Variants in QTMAN observed in about 807,000 individuals in gnomAD.
QTMAN encodes the protein tRNA-queuosine alpha-mannosyltransferase.
the QTMAN span, among the ~76,000 whole-genome samples, chr2:144,230,005 T>C: frequency 6.6e-6 from 1 of 152,042 alleles, no homozygotes; most frequent in Non-Finnish European, 1.5e-5. Flanking sequence ...TCTATGAAAA[T>C]CCATGTGATA....
At chr2:143,958,974 C>T in the QTMAN span, among the ~76,000 whole-genome samples, 2 of 151,856 alleles carry the variant, frequency 1.3e-5, no homozygotes, top group Non-Finnish European at 2.9e-5. Context: ...ATGAGAATAA[C>T]AAAGCCAAGG....
At chr2:144,230,974 T>C in the QTMAN span, among the ~76,000 whole-genome samples, 1 of 152,162 alleles carries the variant, frequency 6.6e-6, no homozygotes, top group Admixed American at 6.5e-5. Context: ...GGAACTCATA[T>C]GGTACTATAG....
At chr2:143,973,093 G>A in the QTMAN span, among the ~76,000 whole-genome samples, 2 of 152,174 alleles carry the variant, frequency 1.3e-5, no homozygotes, top group African/African-American at 4.8e-5. Flanking sequence ...TAACAGTTAA[G>A]TGGTTACTGG....
At chr2:144,059,874 C>A in the QTMAN span, among the ~76,000 whole-genome samples, 1 of 152,154 alleles carries the variant, frequency 6.6e-6, no homozygotes, top group Non-Finnish European at 1.5e-5. Context: ...CTCTCAGGGA[C>A]GCCTTCCCAG....
the QTMAN span, among the ~76,000 whole-genome samples, chr2:144,320,243 G>A: frequency 1.3e-5 from 2 of 152,162 alleles, no homozygotes; most frequent in Admixed American, 6.5e-5. Flanking sequence ...AGGTGCAACA[G>A]AGTCCATAGG....
At chr2:144,095,891 T>C in the QTMAN span, among the ~76,000 whole-genome samples, 1 of 152,178 alleles carries the variant, frequency 6.6e-6, no homozygotes, top group Non-Finnish European at 1.5e-5. Context: ...TCCAACCAAA[T>C]AACTTGTGTT....
the QTMAN span, among the ~76,000 whole-genome samples, chr2:143,954,239 T>C: frequency 1.3e-5 from 2 of 151,986 alleles, no homozygotes; most frequent in Non-Finnish European, 2.9e-5. Context: ...CAAAAGAAAA[T>C]ATGCACTTTA....
the QTMAN span, among the ~76,000 whole-genome samples, chr2:144,311,076 A>T: frequency 6.6e-6 from 1 of 152,206 alleles, no homozygotes; most frequent in African/African-American, 2.4e-5. Context: ...TAGGCACTTC[A>T]CACCTTTATT....
chr2:144,084,750 T>C, the QTMAN span, among the ~76,000 whole-genome samples: 1 of 152,210 alleles, frequency 6.6e-6, no homozygotes, highest in Non-Finnish European at 1.5e-5. Flanking sequence ...AACATAAAGT[T>C]TCTTCTCTTG....
At chr2:144,322,106 C>T in the QTMAN span, among the ~76,000 whole-genome samples, 4 of 152,108 alleles carry the variant, frequency 2.6e-5, no homozygotes, top group Non-Finnish European at 5.9e-5. Context: ...ATTCTTATAA[C>T]CAGAAAAAGA....
chr2:144,211,519 A>G, the QTMAN span: 1 of 152,562 alleles, frequency 6.6e-6, no homozygotes, highest in African/African-American at 2.4e-5. Flanking sequence ...ACTTACTTCT[A>G]TTGCAACTTT....
At chr2:144,102,164 T>A in the QTMAN span, among the ~76,000 whole-genome samples, 1 of 152,194 alleles carries the variant, frequency 6.6e-6, no homozygotes, top group African/African-American at 2.4e-5. Context: ...TCCAGAGCTA[T>A]GTTTTTTCCA....
At chr2:144,133,214 C>CAT in the QTMAN span, among the ~76,000 whole-genome samples, 58 of 54,352 alleles carry the variant, frequency 1.1e-3, no homozygotes, top group South Asian at 1.3e-3. Flanking sequence ...TTTATATATA[C>CAT]ATATATAAAT....
chr2:144,190,729 A>T, the QTMAN span, among the ~76,000 whole-genome samples: 6 of 152,214 alleles, frequency 3.9e-5, no homozygotes, highest in African/African-American at 1.4e-4. Context: ...ATGTAGAAGG[A>T]GTATAGTAAA....
the QTMAN span, among the ~76,000 whole-genome samples, chr2:144,244,756 A>G: frequency 2.0e-5 from 3 of 152,024 alleles, no homozygotes; most frequent in Non-Finnish European, 4.4e-5. Flanking sequence ...TTTTATAAGG[A>G]TCAAAAAAAA....
chr2:144,083,732 G>A, the QTMAN span, among the ~76,000 whole-genome samples: 1 of 152,128 alleles, frequency 6.6e-6, no homozygotes, highest in Non-Finnish European at 1.5e-5. Context: ...TCAGATGATG[G>A]AAGCTATGGT....
chr2:144,132,514 T>C, the QTMAN span, among the ~76,000 whole-genome samples: 1 of 152,122 alleles, frequency 6.6e-6, no homozygotes, highest in East Asian at 1.9e-4. Flanking sequence ...CCATGTGGAA[T>C]GTATGAATAT....
chr2:144,200,901 G>A, the QTMAN span, among the ~76,000 whole-genome samples: 1 of 152,172 alleles, frequency 6.6e-6, no homozygotes. Flanking sequence ...TACCGGTAGT[G>A]CGCAGAGCAG....
At chr2:144,080,627 A>G in the QTMAN span, among the ~76,000 whole-genome samples, 1 of 152,200 alleles carries the variant, frequency 6.6e-6, no homozygotes, top group Non-Finnish European at 1.5e-5. Context: ...AATTAAAGAA[A>G]TCTATTTGGA....
Sources: allele counts gnomAD v4.1 joint callset (sites outside exome capture counted in the v4.1 genomes callset), GRCh38; gene constraint gnomAD v4.1.1; transcripts MANE v1.5; gene names NCBI Gene and HGNC (gene_info 2026-07-23, HGNC 2026-07-21).